PRR16: variants seen among roughly 807,000 people sequenced by gnomAD.
PRR16 encodes proline rich 16, also known as protein Largen.
PRR16 carries 6 observed loss-of-function variants against 18.2 expected under a neutral mutation model. That is an observed-to-expected ratio of 0.33 (90% CI 0.18 to 0.65). The LOEUF (loss-of-function observed/expected upper bound fraction) is 0.65. Ranked by LOEUF, PRR16 falls within the 30% of genes least tolerant of loss-of-function variation. The pLI is 0.74. For synonymous variants in PRR16, 151 were observed against 147.8 expected (o/e 1.02, Z -0.16); for missense variants, 412 against 376.6 (o/e 1.09, Z -0.78).
Position 120,686,586 on chromosome 5 carries a change from T to C in PRR16, c.792T>C (p.Asn264=), listed in dbSNP as rs976009945. The C allele has an allele frequency of 6.2e-7, 1 of 1,613,506 alleles. No homozygotes were observed. The highest frequency in any genetic ancestry group is 1.3e-5 in the African/African-American group (1 of 74,880). ...ATCTCCCTCCTTTCCCACTAGAAAA[T>C]GGGGGAATGGGAATAAGCCACAGTA... is the stretch of plus-strand genomic sequence containing the variant. ...TPHLPPFPLE[N]GGMGISHSNS... Residue 264 remains asparagine, a synonymous_variant, in exon 2 of 2, where the codon AAT becomes AAC. Transcript: ENST00000407149.
At chr5:120,478,520 T>C (rs17146672) in intron 1 of PRR16, among the ~76,000 whole-genome samples, 1,752 of 152,236 alleles carry the variant, frequency 0.012, 14 homozygotes, top group East Asian at 0.024. Flanking sequence ...TTAAAAAATA[T>C]TAACTCATGA....
chr5:120,505,287 C>T (rs1750603724), intron 1 of PRR16, among the ~76,000 whole-genome samples: 1 of 152,110 alleles, frequency 6.6e-6, no homozygotes, highest in Non-Finnish European at 1.5e-5. Flanking sequence ...ATTTCTAATG[C>T]ATTTGGTTAT....
the PRR16 span, among the ~76,000 whole-genome samples, chr5:120,772,246 A>C: frequency 2.6e-5 from 4 of 152,068 alleles, no homozygotes; most frequent in African/African-American, 9.7e-5. Context: ...AAATCCTAAG[A>C]TGTTTCTTCT....
intron 1 of PRR16, 74 bp downstream of exon 1, chr5:120,464,719 A>G (rs1749019582): frequency 7.1e-7 from 1 of 1,401,298 alleles, no homozygotes; most frequent in Non-Finnish European, 9.4e-7. Context: ...GATTTTCAGC[A>G]GGGACAGCCA....
the PRR16 span, among the ~76,000 whole-genome samples, chr5:120,761,881 T>C: frequency 6.6e-6 from 1 of 152,100 alleles, no homozygotes; most frequent in Middle Eastern, 3.2e-3. Flanking sequence ...CCCAAAAACA[T>C]ACCTTTCCCA....
At chr5:120,617,575 G>A (rs923303010) in intron 1 of PRR16, among the ~76,000 whole-genome samples, 4 of 151,870 alleles carry the variant, frequency 2.6e-5, no homozygotes, top group Non-Finnish European at 5.9e-5. Flanking sequence ...CAATTAATGA[G>A]GTCATGTTAG....
the PRR16 span, among the ~76,000 whole-genome samples, chr5:120,783,237 G>C: frequency 6.6e-6 from 1 of 152,096 alleles, no homozygotes; most frequent in South Asian, 2.1e-4. Context: ...GATTTACTCA[G>C]TATTCATAGT....
intron 1 of PRR16, among the ~76,000 whole-genome samples, chr5:120,477,635 C>G (rs553559479): frequency 5.9e-5 from 9 of 152,294 alleles, no homozygotes; most frequent in South Asian, 2.1e-4. Context: ...TGAAGTTAGA[C>G]CACATTACTC....
chr5:120,700,956 A>G, the PRR16 span, among the ~76,000 whole-genome samples: 27 of 152,264 alleles, frequency 1.8e-4, no homozygotes, highest in South Asian at 8.3e-4. Context: ...TGAACAGTCC[A>G]ATTTTCAGTG....
At chr5:120,770,238 A>G in the PRR16 span, among the ~76,000 whole-genome samples, 4 of 139,080 alleles carry the variant, frequency 2.9e-5, no homozygotes, top group Admixed American at 1.5e-4. Flanking sequence ...GCACTGACAT[A>G]AAGACAAACA....
intron 1 of PRR16, among the ~76,000 whole-genome samples, chr5:120,622,383 T>C (rs1754718540): frequency 6.6e-6 from 1 of 152,136 alleles, no homozygotes; most frequent in Admixed American, 6.6e-5. Flanking sequence ...TTGTGTCTTA[T>C]TCATTACTCT....
At chr5:120,510,674 A>G (rs1243929007) in intron 1 of PRR16, among the ~76,000 whole-genome samples, 1 of 152,172 alleles carries the variant, frequency 6.6e-6, no homozygotes, top group Non-Finnish European at 1.5e-5. Context: ...TGATTTAATT[A>G]CATAAATGAC....
At chr5:120,789,453 T>C in the PRR16 span, among the ~76,000 whole-genome samples, 1 of 152,122 alleles carries the variant, frequency 6.6e-6, no homozygotes, top group African/African-American at 2.4e-5. Context: ...TATGGCTAAT[T>C]CTCTGCTATA....
intron 1 of PRR16, among the ~76,000 whole-genome samples, chr5:120,671,259 T>G (rs1380398194): frequency 6.6e-6 from 1 of 152,168 alleles, no homozygotes; most frequent in Non-Finnish European, 1.5e-5. Flanking sequence ...ACCTCTTCTC[T>G]CAAAGATCAG....
chr5:120,737,637 T>TAAAC, the PRR16 span, among the ~76,000 whole-genome samples: 3 of 151,866 alleles, frequency 2.0e-5, no homozygotes, highest in East Asian at 5.8e-4. Flanking sequence ...AGTTTTTTCT[T>TAAAC]TCTTTCTTTT....
the PRR16 span, among the ~76,000 whole-genome samples, chr5:120,754,160 TATATAA>T: frequency 5.6e-3 from 383 of 68,602 alleles, 3 homozygotes; most frequent in African/African-American, 0.017. Context: ...ATAAATATGA[TATATAA>T]ATATAAATAT....
At chr5:120,636,569 T>A (rs1755234776) in intron 1 of PRR16, among the ~76,000 whole-genome samples, 1 of 152,184 alleles carries the variant, frequency 6.6e-6, no homozygotes, top group African/African-American at 2.4e-5. Flanking sequence ...TTGGGGTAAC[T>A]GGCTAGCCAC....
At chr5:120,698,773 G>A in the PRR16 span, among the ~76,000 whole-genome samples, 2 of 152,114 alleles carry the variant, frequency 1.3e-5, no homozygotes, top group African/African-American at 2.4e-5. Flanking sequence ...GTTGGTGGCT[G>A]AGCTTGGTGA....
intron 1 of PRR16, among the ~76,000 whole-genome samples, chr5:120,534,530 A>T (rs1751653448): frequency 6.6e-6 from 1 of 152,102 alleles, no homozygotes; most frequent in Admixed American, 6.5e-5. Context: ...CATTTTATAG[A>T]TGGAATGTAT....
Sources: gnomAD v4.1 joint callset for allele counts (sites outside exome capture counted in the v4.1 genomes callset) on GRCh38, gnomAD v4.1.1 for gene constraint, MANE v1.5 for transcripts, NCBI Gene and HGNC (gene_info 2026-07-23, HGNC 2026-07-21) for gene names.